Variants in MYLK4 observed in about 807,000 individuals in gnomAD.
The protein encoded by MYLK4 is caMLCK like.
MYLK4 carries 46 observed loss-of-function variants against 48.1 expected under a neutral mutation model. That is an observed-to-expected ratio of 0.96 (90% CI 0.75 to 1.22). MYLK4 has a LOEUF of 1.22. Ranked by LOEUF, MYLK4 falls within the 50% of genes most tolerant of loss-of-function variation. The pLI is 0.00. For synonymous variants in MYLK4, 170 were observed against 180.8 expected (o/e 0.94, Z 0.48); for missense variants, 451 against 486.1 (o/e 0.93, Z 0.68).
At chr6:2,720,825 G>C (rs1227188547) in intron 2 of MYLK4, among the ~76,000 whole-genome samples, 1 of 152,028 alleles carries the variant, frequency 6.6e-6, no homozygotes, top group African/African-American at 2.4e-5. Context: ...TAGACTAAGA[G>C]ATCTAACATC....
chr6:2,751,590 CTT>C (rs1390764032), upstream of MYLK4, among the ~76,000 whole-genome samples: 6 of 152,284 alleles, frequency 3.9e-5, 1 homozygote, highest in South Asian at 1.2e-3. Context: ...TGGCATAAAA[CTT>C]TGATTGCCCA....
intron 10 of MYLK4, among the ~76,000 whole-genome samples, chr6:2,676,970 A>T (rs1376308950): frequency 6.6e-6 from 1 of 152,122 alleles, no homozygotes; most frequent in Non-Finnish European, 1.5e-5. Flanking sequence ...TGGGTAGAGT[A>T]ATGTGCTCAT....
intron 8 of MYLK4, 34 bp from the exon 9 acceptor site, chr6:2,679,442 G>A (rs12523992): frequency 0.18 from 285,958 of 1,612,440 alleles, 28,653 homozygotes; most frequent in East Asian, 0.43. Flanking sequence ...AAGGATGGAC[G>A]TGTCGATCAA....
intron 2 of MYLK4, among the ~76,000 whole-genome samples, chr6:2,695,441 C>T (rs1762024707): frequency 6.6e-6 from 1 of 152,234 alleles, no homozygotes; most frequent in Admixed American, 6.5e-5. Flanking sequence ...GAAAAGTCCA[C>T]ATGCTAACCC....
upstream of MYLK4, among the ~76,000 whole-genome samples, chr6:2,753,476 C>T (rs1426617241): frequency 6.6e-6 from 1 of 152,188 alleles, no homozygotes; most frequent in African/African-American, 2.4e-5. Flanking sequence ...TTTCAAAAAT[C>T]ACCACTGAAT....
chr6:2,685,099 A>G lies in MYLK4; in HGVS notation c.545+197T>C, dbSNP rs952958762. Reference sequence around the variant, plus strand: ...TACTTGGTCCCACTACTTCTTAGCAATAAAATCCCATATGGAGATTTGTAA... The same window carrying G: ...TACTTGGTCCCACTACTTCTTAGCAGTAAAATCCCATATGGAGATTTGTAA... On this transcript the variant is annotated intron_variant, in intron 6 of 12. Coordinates refer to ENST00000274643, the MANE Select transcript of MYLK4 (RefSeq NM_001012418.5). This position sits in a 1 kb window ranked among gnomAD's most constrained non-coding sequence, Gnocchi z 4.5. 3.9e-5 allele frequency among the ~76,000 whole-genome samples: 6 copies of G among 152,244 alleles called. No individual in the cohort carries two copies. Among genetic ancestry groups the G allele is most frequent in the Non-Finnish European group, 8.8e-5 (6 of 68,044 alleles).
rs1404359128 is a variant in MYLK4, at chr6:2,695,703, TCTC to T, written c.160-2847_160-2845del. 2.2e-4 allele frequency among the ~76,000 whole-genome samples: 33 copies of T among 152,356 alleles called. No individual in the cohort carries two copies. The East Asian group carries it at 4.2e-3, about 20-fold the overall frequency. ...AGTTTCCAACAAACAGAAGTTGTATTCTCCTGTCCTTTCCAGGACAGACGCTGT... is the reference window on the plus strand; with the variant it reads ...AGTTTCCAACAAACAGAAGTTGTATTCTGTCCTTTCCAGGACAGACGCTGT... On this transcript the variant is annotated intron_variant, in intron 2 of 12. Transcript: ENST00000274643.
intron 2 of MYLK4, among the ~76,000 whole-genome samples, chr6:2,730,749 C>T (rs9391964): frequency 8.6e-5 from 13 of 150,684 alleles, no homozygotes; most frequent in South Asian, 2.1e-4. Context: ...TAAAAAAATA[C>T]GAAGTGAAAA....
intron 2 of MYLK4, among the ~76,000 whole-genome samples, chr6:2,739,672 G>A (rs1466372226): frequency 6.6e-6 from 1 of 152,152 alleles, no homozygotes; most frequent in East Asian, 1.9e-4. Flanking sequence ...ATTAAAAATG[G>A]CAAATGAGGT....
intron 10 of MYLK4, 69 bp from the exon 11 acceptor site, chr6:2,675,194 C>G: frequency 1.7e-6 from 2 of 1,155,912 alleles, no homozygotes; most frequent in East Asian, 4.8e-5. Context: ...TGTTCAATCT[C>G]AACTCCAGCT....
chr6:2,685,894 C>T lies in MYLK4; in HGVS notation c.342-318G>A, dbSNP rs1289194681. ...TGGCCAACATAGTGAAACCCCATCTCTGCTAAAAATACAAATACAAAAAAT... is the reference window on the plus strand; with the variant it reads ...TGGCCAACATAGTGAAACCCCATCTTTGCTAAAAATACAAATACAAAAAAT... On this transcript the variant is annotated intron_variant, in intron 4 of 12. Coordinates refer to ENST00000274643, the MANE Select transcript of MYLK4 (RefSeq NM_001012418.5). The surrounding 1 kb of genome is among the most constrained non-coding windows in gnomAD (Gnocchi z 4.5). Among the ~76,000 whole-genome samples the T allele has an allele frequency of 6.6e-6, 1 of 152,084 alleles. No individual in the cohort carries two copies. The highest frequency in any genetic ancestry group is 1.5e-5 in the Non-Finnish European group (1 of 68,014).
In MYLK4 at chr6:2,749,211, C is replaced by A; in HGVS notation, c.84G>T (p.Arg28Ser). Residue 28 changes from arginine to serine, a missense_variant, in exon 2 of 13, where the codon AGG (arginine) becomes AGT (serine). By Grantham distance (110) the Arg-to-Ser change is moderately radical. Transcript: ENST00000274643. ...QLEKMAFFQC[R>S]EEVEKVKCFL... ...AACACTTCACTTTCTCCACCTCTTC[C>A]CTGCACTGAAAAAAGGCCATTTTCT... 1 of 1,614,028 alleles carries A rather than the reference C, an allele frequency of 6.2e-7. No individual in the cohort carries two copies. Among genetic ancestry groups the A allele is most frequent in the Non-Finnish European group, 8.5e-7 (1 of 1,179,928 alleles).
chr6:2,692,983 G>T, intron 2 of MYLK4, 124 bp from the exon 3 acceptor site: 1 of 855,434 alleles, frequency 1.2e-6, no homozygotes, highest in South Asian at 1.7e-5. Context: ...TTACAGGACA[G>T]CAGCATCACT....
rs184016124 is a variant in MYLK4, at chr6:2,726,892, G to A, written c.159+22244C>T. Among the ~76,000 whole-genome samples, 130 of 152,276 alleles carry A rather than the reference G, an allele frequency of 8.5e-4. 1 individual carries two copies. The highest frequency in any genetic ancestry group is 2.9e-3 in the African/African-American group (122 of 41,556). On this transcript the variant is annotated intron_variant, in intron 2 of 12. Transcript: ENST00000274643. ...CTCCCAAAGTGCTGGGATTACAGGCGTGAGCCACCGTGCCCGGGCACCTAC... is the reference window on the plus strand; with the variant it reads ...CTCCCAAAGTGCTGGGATTACAGGCATGAGCCACCGTGCCCGGGCACCTAC...
rs1019583306 is a variant in MYLK4, at chr6:2,665,932, G to T, written c.*1993C>A. 1 of 60,530 alleles carries T rather than the reference G, an allele frequency of 1.7e-5. No homozygotes were observed. Among genetic ancestry groups the T allele is most frequent in the African/African-American group, 6.0e-5 (1 of 16,778 alleles). 3.7% of individuals were successfully genotyped at this position (60,530 alleles called of 1,614,324 possible). A position where few individuals can be genotyped will look rare whatever the true frequency, so the allele number is the denominator to read the frequency against. On this transcript the variant is annotated 3_prime_UTR_variant, in exon 13 of 13. Coordinates refer to ENST00000274643, the MANE Select transcript of MYLK4 (RefSeq NM_001012418.5). ...GGTTTTGTGTGTGTGTGTGTGTGTG[G>T]TGTGTGTGTTTTAAGCAAACTAAAT...
At chr6:2,764,693 G>A in the MYLK4 span, among the ~76,000 whole-genome samples, 1 of 152,158 alleles carries the variant, frequency 6.6e-6, no homozygotes, top group African/African-American at 2.4e-5. Context: ...GGTTGCTAAG[G>A]AGACAGAAGG....
At chr6:2,741,545 C>A (rs534105756) in intron 2 of MYLK4, among the ~76,000 whole-genome samples, 3 of 152,232 alleles carry the variant, frequency 2.0e-5, no homozygotes, top group South Asian at 4.1e-4. Context: ...ATTGGAAAAC[C>A]TTTTTACTGC....
At chr6:2,732,143 G>A (rs1027012164) in intron 2 of MYLK4, among the ~76,000 whole-genome samples, 2 of 152,210 alleles carry the variant, frequency 1.3e-5, no homozygotes, top group Non-Finnish European at 2.9e-5. Context: ...CCTGATTCAC[G>A]TAATCAGACA....
In MYLK4 at chr6:2,692,645, G is replaced by GAA. The variant is rs779932547; in HGVS notation, c.235+138_235+139insTT. 1,659 of 447,014 alleles carry GAA rather than the reference G, an allele frequency of 3.7e-3. 35 individuals are homozygous for GAA. Among genetic ancestry groups the GAA allele is most frequent in the African/African-American group, 0.01 (368 of 36,674 alleles). The allele number at this position is 447,014 out of a possible 1,614,324, so 27.7% of individuals were successfully genotyped here. Reference sequence around the variant, plus strand: ...AAACACAAGCAAAAAAAAAAAAAGGGGGGGGGGGGCATTTTTTTATAAACA... The same window carrying GAA: ...AAACACAAGCAAAAAAAAAAAAAGGGAAGGGGGGGGGCATTTTTTTATAAACA... On this transcript the variant is annotated intron_variant, in intron 3 of 12. Coordinates refer to ENST00000274643, the MANE Select transcript of MYLK4 (RefSeq NM_001012418.5).
Sources: allele counts gnomAD v4.1 joint callset (sites outside exome capture counted in the v4.1 genomes callset), GRCh38; gene constraint gnomAD v4.1.1; non-coding constraint Gnocchi (gnomAD v3.1); transcripts MANE v1.5; gene names NCBI Gene and HGNC (gene_info 2026-07-23, HGNC 2026-07-21).